GRB2: variants seen among roughly 807,000 people sequenced by gnomAD.
The protein encoded by GRB2 is growth factor receptor bound protein 2, also known as growth factor receptor-bound protein 2.
In GRB2, 2 loss-of-function variants were observed where a neutral mutation model predicts 27.4. That is an observed-to-expected ratio of 0.07 (90% CI 0.03 to 0.23). The LOEUF (loss-of-function observed/expected upper bound fraction) is 0.23. GRB2 is among the 10% of genes least tolerant of loss of function. The pLI, the probability that GRB2 is intolerant of heterozygous loss-of-function variation, is 1.00. For missense variants in GRB2, 102 were observed against 282.4 expected (o/e 0.36, Z 4.58); for synonymous variants, 94 against 99.6 (o/e 0.94, Z 0.33).
At chr17:75,336,442 A>T (rs1056405148) in intron 2 of GRB2, among the ~76,000 whole-genome samples, 1 of 152,224 alleles carries the variant, frequency 6.6e-6, no homozygotes, top group Non-Finnish European at 1.5e-5. Context: ...CAAAGTAATC[A>T]TTAGAAAGGG....
intron 4 of GRB2, among the ~76,000 whole-genome samples, chr17:75,322,818 C>T (rs929545821): frequency 2.3e-5 from 2 of 88,078 alleles, no homozygotes; most frequent in South Asian, 3.6e-4. Context: ...TTCACCTGGC[C>T]GGGCACTCTC....
intron 4 of GRB2, among the ~76,000 whole-genome samples, chr17:75,322,976 A>G (rs568631746): frequency 8.4e-4 from 128 of 151,946 alleles, no homozygotes; most frequent in African/African-American, 3.0e-3. Context: ...AAAATTAGCC[A>G]GGTGTGGTGG....
At chr17:75,375,933 G>A (rs1445534436) in intron 2 of GRB2, among the ~76,000 whole-genome samples, 1 of 150,716 alleles carries the variant, frequency 6.6e-6, no homozygotes, top group African/African-American at 2.4e-5. Context: ...GCTGAGGCAG[G>A]AGAATGGCGT....
chr17:75,342,273 A>G (rs748085938), intron 2 of GRB2, among the ~76,000 whole-genome samples: 1 of 152,170 alleles, frequency 6.6e-6, no homozygotes, highest in Non-Finnish European at 1.5e-5. Flanking sequence ...AGCTGGCTCC[A>G]TACCCAGTTC....
chr17:75,363,859 C>CAAAAAAAA lies in GRB2; in HGVS notation c.78+29684_78+29691dup, dbSNP rs55746272. On this transcript the variant is annotated intron_variant, in intron 2 of 5. Coordinates refer to ENST00000316804, the MANE Select transcript of GRB2 (RefSeq NM_002086.5). ...TGGGCGACAGAGCAAGACTCCGTCTCAAAAAAAAAAAAAAAAAAAAAAAAA... is the reference window on the plus strand; with the variant it reads ...TGGGCGACAGAGCAAGACTCCGTCTCAAAAAAAAAAAAAAAAAAAAAAAAAAAAAAAAA... Among the ~76,000 whole-genome samples, 31 of 58,524 alleles carry CAAAAAAAA rather than the reference C, an allele frequency of 5.3e-4. 2 individuals are homozygous for CAAAAAAAA. The highest frequency in any genetic ancestry group is 1.5e-3 in the South Asian group (2 of 1,374). The allele number at this position is 58,524 out of a possible 152,430, so 38.4% of individuals were successfully genotyped here. A position where few individuals can be genotyped will look rare whatever the true frequency, so the allele number is the denominator to read the frequency against.
intron 3 of GRB2, among the ~76,000 whole-genome samples, chr17:75,329,197 T>C (rs987121198): frequency 2.0e-4 from 30 of 152,066 alleles, no homozygotes; most frequent in Non-Finnish European, 5.9e-5. Context: ...AGGGTGAAGA[T>C]TCTCAATCAG....
Position 75,357,608 on chromosome 17 carries a change from T to A in GRB2, c.79-24811A>T, listed in dbSNP as rs571615721. On this transcript the variant is annotated intron_variant, in intron 2 of 5. Coordinates refer to ENST00000316804, the MANE Select transcript of GRB2 (RefSeq NM_002086.5). ...CATTCCTCAAACATCTGGTGCTCCC[T>A]GACGGTCTATTCATGCTTAAAACTG... 3.9e-5 allele frequency among the ~76,000 whole-genome samples: 6 copies of A among 152,346 alleles called. No individual in the cohort carries two copies. The South Asian group carries it at 1.2e-3, about 32-fold the overall frequency.
intron 2 of GRB2, among the ~76,000 whole-genome samples, chr17:75,336,497 C>T (rs1374275051): frequency 6.6e-6 from 1 of 152,070 alleles, no homozygotes; most frequent in Non-Finnish European, 1.5e-5. Context: ...AAAGATAACT[C>T]TATTTACCTG....
intron 1 of GRB2, among the ~76,000 whole-genome samples, chr17:75,400,876 A>T (rs975633660): frequency 4.6e-5 from 7 of 152,138 alleles, no homozygotes; most frequent in Admixed American, 1.3e-4. Flanking sequence ...ACAAAATACA[A>T]TGTGCAACAT....
At chr17:75,371,360 G>A (rs1286510511) in intron 2 of GRB2, 1 of 151,866 alleles carries the variant, frequency 6.6e-6, no homozygotes, top group Admixed American at 6.6e-5. Flanking sequence ...AAGAGCTGCC[G>A]CAACGTAAGA....
At chr17:75,321,013 A>C (rs759576249) in intron 5 of GRB2, among the ~76,000 whole-genome samples, 13 of 151,928 alleles carry the variant, frequency 8.6e-5, no homozygotes, top group Non-Finnish European at 1.6e-4. Context: ...ACGGGTGCCG[A>C]CCCCATTCCC....
At chr17:75,374,866 C>G (rs147113651) in intron 2 of GRB2, among the ~76,000 whole-genome samples, 1 of 152,084 alleles carries the variant, frequency 6.6e-6, no homozygotes, top group Admixed American at 6.6e-5. Context: ...ACTCTCTGCA[C>G]GGCATTCAGA....
intron 2 of GRB2, chr17:75,373,837 T>G (rs1347704619): frequency 8.0e-6 from 1 of 125,732 alleles, no homozygotes; most frequent in Admixed American, 1.0e-4. Context: ...AGACAGAGTC[T>G]CGCTCTATCG....
At chr17:75,362,392 C>T (rs1357691277) in intron 2 of GRB2, among the ~76,000 whole-genome samples, 3 of 152,172 alleles carry the variant, frequency 2.0e-5, no homozygotes, top group South Asian at 4.1e-4. Context: ...TTTCACCCTC[C>T]AAGAACCAAA....
intron 2 of GRB2, among the ~76,000 whole-genome samples, chr17:75,353,229 G>C (rs1363042866): frequency 1.3e-5 from 2 of 151,824 alleles, no homozygotes; most frequent in Non-Finnish European, 2.9e-5. Flanking sequence ...ATTCATGGGG[G>C]ACTGGTTCCA....
chr17:75,349,618 C>A (rs2078676774), intron 2 of GRB2, among the ~76,000 whole-genome samples: 1 of 148,828 alleles, frequency 6.7e-6, no homozygotes, highest in Non-Finnish European at 1.5e-5. Flanking sequence ...CTCCTGGGTT[C>A]AAGTGATTCT....
At chr17:75,321,552 T>A in intron 5 of GRB2, 107 bp downstream of exon 5, 1 of 1,014,722 alleles carries the variant, frequency 9.9e-7, no homozygotes, top group Non-Finnish European at 1.5e-6. Flanking sequence ...CGGCAATCCC[T>A]GAAGGGCGCC....
chr17:75,381,220 T>C (rs996689933), intron 2 of GRB2, among the ~76,000 whole-genome samples: 2 of 152,102 alleles, frequency 1.3e-5, no homozygotes, highest in Non-Finnish European at 2.9e-5. Context: ...TCACTACAAT[T>C]ACAGGATTAT....
chr17:75,375,989 CACTCCAGCCTGGGCGACAGAGCAAG>C (rs1314753701), intron 2 of GRB2, among the ~76,000 whole-genome samples: 7 of 136,834 alleles, frequency 5.1e-5, no homozygotes, highest in Non-Finnish European at 1.1e-4. Flanking sequence ...TGCGCCACTG[CACTCCAGCCTGGGCGACAGAGCAAG>C]ACTCCGTCTC....
Sources: allele counts gnomAD v4.1 joint callset (sites outside exome capture counted in the v4.1 genomes callset), GRCh38; gene constraint gnomAD v4.1.1; transcripts MANE v1.5; gene names NCBI Gene and HGNC (gene_info 2026-07-23, HGNC 2026-07-21).